LTBP2: variants seen among roughly 807,000 people sequenced by gnomAD.
LTBP2 encodes the protein latent-transforming growth factor beta-binding protein 2.
A neutral mutation model predicts 210.6 loss-of-function variants in LTBP2; 103 were observed. The ratio of observed to expected loss-of-function variants is 0.49; its 90% CI spans 0.42 to 0.58. LTBP2 has a LOEUF of 0.58. Ranked by LOEUF, LTBP2 falls within the 20% of genes least tolerant of loss-of-function variation. The probability of loss-of-function intolerance (pLI) is 0.00; values close to 1 mark genes in which losing one functional copy is unlikely to be tolerated. For synonymous variants in LTBP2, 1,007 were observed against 1,015.0 expected (o/e 0.99, Z 0.15); for missense variants, 2,313 against 2,494.5 (o/e 0.93, Z 1.55).
In LTBP2 at chr14:74,499,107, T is replaced by C. The variant is rs1419112516; in HGVS notation, c.*1777A>G. The C allele has an allele frequency of 4.1e-5, 9 of 217,730 alleles. No individual in the cohort carries two copies. In the East Asian group the frequency reaches 6.2e-4, roughly 15 times the overall value. 13.5% of individuals were successfully genotyped at this position (217,730 alleles called of 1,614,324 possible). A position where few individuals can be genotyped will look rare whatever the true frequency, so the allele number is the denominator to read the frequency against. On this transcript the variant is annotated 3_prime_UTR_variant, in exon 36 of 36. Transcript: ENST00000261978. ...CAATATGTACTTCTGTCAGCTGTTATGAGAGTACCTATTTCCCACATGCTT... is the reference window on the plus strand; with the variant it reads ...CAATATGTACTTCTGTCAGCTGTTACGAGAGTACCTATTTCCCACATGCTT...
chr14:74,509,585 C>G, intron 21 of LTBP2, 149 bp downstream of exon 21: 1 of 1,251,694 alleles, frequency 8.0e-7, no homozygotes, highest in Non-Finnish European at 1.1e-6. Context: ...AATAGAAGCT[C>G]TTGTTGGGGC....
At chr14:74,547,336 T>C (rs927260901) in intron 8 of LTBP2, among the ~76,000 whole-genome samples, 2 of 152,052 alleles carry the variant, frequency 1.3e-5, no homozygotes, top group Non-Finnish European at 2.9e-5. Context: ...GAGTTCAGGA[T>C]TATGCTTGGT....
Position 74,532,435 on chromosome 14 carries a change from G to A in LTBP2, c.1978C>T (p.Arg660Cys), listed in dbSNP as rs199581688. The A allele has an allele frequency of 6.4e-5, 103 of 1,613,896 alleles. No homozygotes were observed. The highest frequency in any genetic ancestry group is 7.5e-5 in the Non-Finnish European group (88 of 1,180,002). Residue 660 changes from arginine (R) to cysteine (C), a missense_variant, in exon 10 of 36, where the codon CGC (arginine) becomes TGC (cysteine). Arg to Cys is a radical substitution (Grantham distance 180). Transcript: ENST00000261978. ...PGLMLDPSRS[R>C]CVSDKAISML... The stretch of plus-strand genomic sequence containing the variant: ...CCCTGCCAGCACTCACACACACAGC[G>A]GCTCCGCGATGGATCCAGCATGAGG...
chr14:74,536,807 C>T (rs1489050020), intron 8 of LTBP2, among the ~76,000 whole-genome samples: 1 of 152,230 alleles, frequency 6.6e-6, no homozygotes, highest in East Asian at 1.9e-4. Context: ...GGTTGCGCCA[C>T]TGCACTCCAG....
chr14:74,509,371 C>G lies in LTBP2; in HGVS notation c.3278-8G>C, dbSNP rs2087039172. 6.2e-7 allele frequency: 1 copy of G among 1,612,700 alleles called. No homozygotes were observed. The highest frequency in any genetic ancestry group is 8.5e-7 in the Non-Finnish European group (1 of 1,179,754). ...AGGCACACTCATCTAGGTCTGCAGA[C>G]AGACAGCGCTCGCCCGGGGACCTAG... On this transcript the variant is annotated splice_polypyrimidine_tract_variant and splice_region_variant and intron_variant, in intron 21 of 35. Transcript: ENST00000261978.
At chr14:74,531,292 G>T (rs181199573) in intron 10 of LTBP2, among the ~76,000 whole-genome samples, 1 of 152,316 alleles carries the variant, frequency 6.6e-6, no homozygotes, top group East Asian at 1.9e-4. Flanking sequence ...GGGAAAAAAG[G>T]ACACTCGAGA....
intron 29 of LTBP2, 22 bp downstream of exon 29, chr14:74,504,950 CCCTTCGAGGAT>C (rs2086961997): frequency 7.8e-7 from 1 of 1,274,686 alleles, no homozygotes; most frequent in Non-Finnish European, 1.1e-6. Context: ...GCAGAGCTGA[CCCTTCGAGGAT>C]CTGGAACCCT....
At position 74,503,237 on chromosome 14, in the gene LTBP2, AC is replaced by A. The variant is rs762228239; in HGVS notation, c.4869del (p.Cys1624ValfsTer117). The A allele has an allele frequency of 1.9e-6, 3 of 1,613,940 alleles. No homozygotes were observed. Among genetic ancestry groups the A allele is most frequent in the Non-Finnish European group, 2.5e-6 (3 of 1,180,048 alleles). Reference sequence around the variant, plus strand: ...CCCTCACCAGAGCTCCTCGGGGGACACAGAGCACACTGCTGGCTCCAGGCCT... The same window carrying A: ...CCCTCACCAGAGCTCCTCGGGGGACAAGAGCACACTGCTGGCTCCAGGCCT... Reference protein sequence around the residue: ...DGEAWSQQCALCPPRSSEVYA... With the variant: ...DGEAWSQQCAXCPPRSSEVYA... On this transcript the variant is annotated frameshift_variant, in exon 33 of 36. Coordinates refer to ENST00000261978, the MANE Select transcript of LTBP2 (RefSeq NM_000428.3). LOFTEE classifies it high-confidence loss of function.
chr14:74,552,672 T>C (rs1288415479), intron 5 of LTBP2, among the ~76,000 whole-genome samples: 2 of 152,198 alleles, frequency 1.3e-5, no homozygotes, highest in African/African-American at 4.8e-5. Context: ...ATGAACTCTG[T>C]CTCTTCTCTG....
intron 2 of LTBP2, among the ~76,000 whole-genome samples, chr14:74,592,416 C>T (rs957290886): frequency 1.1e-4 from 17 of 152,180 alleles, no homozygotes; most frequent in African/African-American, 4.1e-4. Context: ...CGCCTGTAAT[C>T]CCAGCACTTT....
At chr14:74,517,043 G>T in intron 17 of LTBP2, 102 bp from the exon 18 acceptor site, 1 of 1,442,516 alleles carries the variant, frequency 6.9e-7, no homozygotes, top group Non-Finnish European at 9.4e-7. Flanking sequence ...GACAAAGGAT[G>T]CCATGCTGAG....
At chr14:74,508,124 C>T in intron 24 of LTBP2, 29 bp from the exon 25 acceptor site, 1 of 1,612,930 alleles carries the variant, frequency 6.2e-7, no homozygotes, top group Non-Finnish European at 8.5e-7. Context: ...TCAGCAGACC[C>T]AGCCACGGGT....
At chr14:74,568,840 C>G (rs1191417604) in intron 3 of LTBP2, among the ~76,000 whole-genome samples, 1 of 152,172 alleles carries the variant, frequency 6.6e-6, no homozygotes, top group Non-Finnish European at 1.5e-5. Flanking sequence ...GGACCTAGTA[C>G]AGAAGGCCAA....
At position 74,611,754 on chromosome 14, in the gene LTBP2, G is replaced by C; in HGVS notation, c.191C>G (p.Ala64Gly). Residue 64 changes from alanine to glycine, a missense_variant, in exon 1 of 36, where the codon GCT (alanine) becomes GGT (glycine). Physicochemically the swap from Ala to Gly is moderately conservative, Grantham distance 60. Coordinates refer to ENST00000261978, the MANE Select transcript of LTBP2 (RefSeq NM_000428.3). ...RRPGGSYPAA[A>G]AAKVYSLFRE... ...GAACAGACTGTACACCTTGGCTGCA[G>C]CCGCTGCCGGGTAGCTGCCCCCAGG... The C allele has an allele frequency of 6.2e-7, 1 of 1,607,078 alleles. No homozygotes were observed. Among genetic ancestry groups the C allele is most frequent in the Non-Finnish European group, 8.5e-7 (1 of 1,179,290 alleles).
chr14:74,611,219 C>G (rs1031357848), intron 1 of LTBP2, among the ~76,000 whole-genome samples: 4 of 152,190 alleles, frequency 2.6e-5, no homozygotes, highest in Non-Finnish European at 4.4e-5. Context: ...GTCGGGGCTC[C>G]GGGAGAGTTG....
intron 3 of LTBP2, among the ~76,000 whole-genome samples, chr14:74,569,493 T>C (rs1363811690): frequency 2.0e-5 from 3 of 152,098 alleles, no homozygotes; most frequent in Admixed American, 1.3e-4. Context: ...CTGCTGGAGC[T>C]CAGATCAAGG....
Position 74,540,830 on chromosome 14 carries a change from A to ATTATT in LTBP2, c.1790-4831_1790-4830insAATAA, listed in dbSNP as rs1555350191. 3.8e-4 allele frequency among the ~76,000 whole-genome samples: 26 copies of ATTATT among 68,646 alleles called. 2 individuals carry two copies. The highest frequency in any genetic ancestry group is 4.9e-4 in the Admixed American group (2 of 4,072). 45.0% of individuals were successfully genotyped at this position (68,646 alleles called of 152,430 possible). A position where few individuals can be genotyped will look rare whatever the true frequency, so the allele number is the denominator to read the frequency against. ...ATATAATATATATATATTTTTATAT[A>ATTATT]ATATATATTTATATATATTATATAT... On this transcript the variant is annotated intron_variant, in intron 8 of 35. Transcript: ENST00000261978.
At chr14:74,509,060 C>T (rs1295077895) in intron 22 of LTBP2, 108 bp from the exon 23 acceptor site, 4 of 1,577,060 alleles carry the variant, frequency 2.5e-6, no homozygotes, top group East Asian at 2.2e-5. Context: ...AGAGCTGGAC[C>T]CACGGGGGAT....
At chr14:74,607,052 G>A (rs1238056055) in intron 1 of LTBP2, among the ~76,000 whole-genome samples, 2 of 152,112 alleles carry the variant, frequency 1.3e-5, no homozygotes. Flanking sequence ...GTATACAATT[G>A]ATACTTGTTT....
Sources: allele counts gnomAD v4.1 joint callset (sites outside exome capture counted in the v4.1 genomes callset), GRCh38; gene constraint gnomAD v4.1.1; transcripts MANE v1.5; gene names NCBI Gene and HGNC (gene_info 2026-07-23, HGNC 2026-07-21).